Variants in TLCD4 observed in about 807,000 individuals in gnomAD.
TLCD4 encodes TLC domain-containing protein 4.
Under a neutral mutation model 24.2 loss-of-function variants are expected in TLCD4, and 7 were observed. The observed-to-expected ratio is 0.29, with a 90% CI of 0.16 to 0.54. The LOEUF (loss-of-function observed/expected upper bound fraction) is 0.54. Ranked by LOEUF, TLCD4 falls within the 20% of genes least tolerant of loss-of-function variation. The pLI is 0.95. For missense variants in TLCD4, 259 were observed against 313.9 expected, an observed-to-expected ratio of 0.82 and a Z score of 1.32; for synonymous variants, 103 against 106.4, an observed-to-expected ratio of 0.97 and a Z score of 0.20.
At chr1:95,171,362 C>A (rs1343101102) in intron 5 of TLCD4, among the ~76,000 whole-genome samples, 1 of 152,046 alleles carries the variant, frequency 6.6e-6, no homozygotes, top group Non-Finnish European at 1.5e-5. Context: ...TCCTCTGATA[C>A]CAAAAAAAAT....
upstream of TLCD4, among the ~76,000 whole-genome samples, chr1:95,112,436 G>A (rs1221628529): frequency 1.3e-5 from 2 of 152,162 alleles, no homozygotes; most frequent in African/African-American, 4.8e-5. Context: ...AAAAAAGACT[G>A]CTTGGTATCC....
the TLCD4 span, among the ~76,000 whole-genome samples, chr1:95,104,452 C>G: frequency 1.3e-5 from 2 of 151,850 alleles, no homozygotes; most frequent in Non-Finnish European, 2.9e-5. Flanking sequence ...ATCAGGAGGT[C>G]AGGAGATCGA....
At chr1:95,148,883 A>T in intron 3 of TLCD4, 92 bp downstream of exon 3, 1 of 1,497,756 alleles carries the variant, frequency 6.7e-7, no homozygotes, top group Non-Finnish European at 9.0e-7. Context: ...AACAGAAAAC[A>T]TATTGATCGT....
At chr1:95,148,648 T>A (rs1321049158) in intron 2 of TLCD4, 54 bp from the exon 3 acceptor site, 17 of 1,607,956 alleles carry the variant, frequency 1.1e-5, no homozygotes, top group Non-Finnish European at 1.4e-5. Flanking sequence ...TTGTCAGGAT[T>A]AAATTTTATT....
At chr1:95,188,801 T>C (rs1462833854) in intron 6 of TLCD4, among the ~76,000 whole-genome samples, 1 of 152,156 alleles carries the variant, frequency 6.6e-6, no homozygotes, top group Non-Finnish European at 1.5e-5. Context: ...GTGTATTCTC[T>C]GTTCCCAGCC....
chr1:95,146,781 G>A (rs1281350196), intron 2 of TLCD4, among the ~76,000 whole-genome samples: 1 of 152,132 alleles, frequency 6.6e-6, no homozygotes, highest in Non-Finnish European at 1.5e-5. Flanking sequence ...ATTGGACCAA[G>A]TAATATTTAA....
chr1:95,177,935 CT>C lies in TLCD4; in HGVS notation c.473+4061del, dbSNP rs200257933. Among the ~76,000 whole-genome samples, 194 of 130,270 alleles carry C rather than the reference CT, an allele frequency of 1.5e-3. 1 individual carries two copies. The Middle Eastern group carries it at 0.037, about 25-fold the overall frequency. 85.5% of individuals were successfully genotyped at this position (130,270 alleles called of 152,430 possible). A position where few individuals can be genotyped will look rare whatever the true frequency, so the allele number is the denominator to read the frequency against. ...TGGATCAACTGTCTTTTTTTCTTTT[CT>C]TTTTTTTTTTTTTTGTTTTTTTTTG... is the stretch of plus-strand genomic sequence containing the variant. On this transcript the variant is annotated intron_variant, in intron 6 of 6. Transcript: ENST00000370203.
the TLCD4 span, among the ~76,000 whole-genome samples, chr1:95,099,053 CAAAA>C: frequency 4.5e-4 from 32 of 70,654 alleles, no homozygotes; most frequent in East Asian, 1.5e-3. Context: ...AACTCTGTCT[CAAAA>C]AAAAAAAAAA....
chr1:95,092,567 T>G, the TLCD4 span, among the ~76,000 whole-genome samples: 2 of 152,142 alleles, frequency 1.3e-5, no homozygotes, highest in Non-Finnish European at 2.9e-5. Context: ...CTGCTCACTC[T>G]TTAGGTCTAC....
the TLCD4 span, among the ~76,000 whole-genome samples, chr1:95,099,770 T>C: frequency 6.6e-6 from 1 of 152,164 alleles, no homozygotes; most frequent in South Asian, 2.1e-4. Context: ...ATTAACTCAT[T>C]CAATTCTCAC....
chr1:95,144,370 C>A (rs922387084), intron 2 of TLCD4, among the ~76,000 whole-genome samples: 1 of 152,064 alleles, frequency 6.6e-6, no homozygotes, highest in Non-Finnish European at 1.5e-5. Context: ...CAAACATATT[C>A]TTTGGAAACA....
At position 95,197,279 on chromosome 1, in the gene TLCD4, T is replaced by C. The variant is rs988130331; in HGVS notation, c.*5411T>C. ...GCAACTTGGCATTCTTTATTTTGTT[T>C]CCTGGTTGTTTTATTTGGAGGGATA... On this transcript the variant is annotated 3_prime_UTR_variant, in exon 7 of 7. Transcript: ENST00000370203. 6.6e-6 allele frequency: 1 copy of C among 152,216 alleles called. No individual in the cohort carries two copies. The highest frequency in any genetic ancestry group is 1.5e-5 in the Non-Finnish European group (1 of 68,022). The allele number at this position is 152,216 out of a possible 1,614,324, so 9.4% of individuals were successfully genotyped here. A position where few individuals can be genotyped will look rare whatever the true frequency, so the allele number is the denominator to read the frequency against.
At position 95,195,788 on chromosome 1, in the gene TLCD4, G is replaced by A. The variant is rs1381373724; in HGVS notation, c.*3920G>A. The A allele has an allele frequency of 6.6e-6, 1 of 152,154 alleles. No individual in the cohort carries two copies. Among genetic ancestry groups the A allele is most frequent in the East Asian group, 1.9e-4 (1 of 5,196 alleles). 9.4% of individuals were successfully genotyped at this position (152,154 alleles called of 1,614,324 possible). ...GCTAGAGGATCTGGAGTTAGAGGAG[G>A]CATTGAGAGTGCTTTTCCCTTAAAC... On this transcript the variant is annotated 3_prime_UTR_variant, in exon 7 of 7. Transcript: ENST00000370203.
intron 6 of TLCD4, among the ~76,000 whole-genome samples, chr1:95,179,837 C>CA (rs1451087802): frequency 6.6e-6 from 1 of 152,194 alleles, no homozygotes; most frequent in Non-Finnish European, 1.5e-5. Context: ...CATCTACTGG[C>CA]AATGCCTCCT....
At chr1:95,163,615 A>C (rs796261248) in intron 5 of TLCD4, 1 of 152,112 alleles carries the variant, frequency 6.6e-6, no homozygotes, top group Non-Finnish European at 1.5e-5. Flanking sequence ...TTTCTGCTCT[A>C]GTTTCTCCCC....
At chr1:95,138,070 T>C (rs1316184085) in intron 1 of TLCD4, among the ~76,000 whole-genome samples, 1 of 152,106 alleles carries the variant, frequency 6.6e-6, no homozygotes, top group Non-Finnish European at 1.5e-5. Flanking sequence ...AAGCATCTTA[T>C]TGGGATTTTA....
intron 6 of TLCD4, among the ~76,000 whole-genome samples, chr1:95,178,369 C>G (rs938836906): frequency 6.6e-6 from 1 of 152,140 alleles, no homozygotes; most frequent in African/African-American, 2.4e-5. Flanking sequence ...AAACGGTTCT[C>G]CTGCCTCAGC....
At chr1:95,185,581 C>T (rs1041525535) in intron 6 of TLCD4, among the ~76,000 whole-genome samples, 3 of 152,212 alleles carry the variant, frequency 2.0e-5, no homozygotes, top group African/African-American at 7.2e-5. Flanking sequence ...CCAACTCCTT[C>T]TCTTACTCAA....
intron 2 of TLCD4, among the ~76,000 whole-genome samples, 176 bp from the exon 3 acceptor site, chr1:95,148,526 C>A (rs1028819009): frequency 3.9e-5 from 6 of 152,190 alleles, no homozygotes; most frequent in African/African-American, 1.4e-4. Flanking sequence ...AAAGCTGTGG[C>A]CTTTGGATTT....
Sources: allele counts gnomAD v4.1 joint callset (sites outside exome capture counted in the v4.1 genomes callset), GRCh38; gene constraint gnomAD v4.1.1; transcripts MANE v1.5; gene names NCBI Gene and HGNC (gene_info 2026-07-23, HGNC 2026-07-21).